MYO3B: variants seen among roughly 807,000 people sequenced by gnomAD.
The protein encoded by MYO3B is myosin IIIB.
Under a neutral mutation model 174.6 loss-of-function variants are expected in MYO3B, and 156 were observed. The observed-to-expected ratio is 0.89, with a 90% CI of 0.78 to 1.02. MYO3B has a LOEUF of 1.02. Among genes scored for constraint, MYO3B ranks in the 50% least tolerant of loss-of-function variants. MYO3B has a pLI of 0.00. For missense variants in MYO3B, 1,632 were observed against 1,639.4 expected, an observed-to-expected ratio of 1.00 and a Z score of 0.08; for synonymous variants, 563 against 569.1, an observed-to-expected ratio of 0.99 and a Z score of 0.15.
At chr2:170,586,513 T>A (rs1206018788) in intron 32 of MYO3B, among the ~76,000 whole-genome samples, 1 of 152,266 alleles carries the variant, frequency 6.6e-6, no homozygotes, top group African/African-American at 2.4e-5. Flanking sequence ...CATGTGGAGT[T>A]GATACTTTAC....
chr2:170,390,149 A>G (rs531891310), intron 14 of MYO3B, among the ~76,000 whole-genome samples: 37 of 152,336 alleles, frequency 2.4e-4, no homozygotes, highest in African/African-American at 6.7e-4. Context: ...TTAAAAAATA[A>G]AAATAAGGGC....
intron 7 of MYO3B, among the ~76,000 whole-genome samples, chr2:170,254,138 G>A (rs2093282095): frequency 6.6e-6 from 1 of 152,024 alleles, no homozygotes; most frequent in South Asian, 2.1e-4. Flanking sequence ...TCAGGAAGGG[G>A]TGAATGAAGG....
intron 6 of MYO3B, among the ~76,000 whole-genome samples, chr2:170,228,253 C>T (rs981293098): frequency 6.6e-6 from 1 of 152,148 alleles, no homozygotes; most frequent in Admixed American, 6.5e-5. Context: ...GGAGTTTGCT[C>T]CTGCTTTGGT....
intron 23 of MYO3B, among the ~76,000 whole-genome samples, chr2:170,452,769 T>C (rs1005575205): frequency 6.6e-6 from 1 of 152,048 alleles, no homozygotes; most frequent in East Asian, 1.9e-4. Flanking sequence ...CCAAAGATAA[T>C]TGAGAGAAAT....
chr2:170,443,625 G>T (rs2094818718), intron 22 of MYO3B, among the ~76,000 whole-genome samples: 1 of 151,942 alleles, frequency 6.6e-6, no homozygotes, highest in Admixed American at 6.6e-5. Context: ...ATGGTTATAG[G>T]TCTAACATTT....
At chr2:170,580,718 A>ATATATATGTGTGTGTG (rs768974458) in intron 32 of MYO3B, among the ~76,000 whole-genome samples, 5,936 of 142,670 alleles carry the variant, frequency 0.042, 172 homozygotes, top group Non-Finnish European at 0.063. Context: ...AACCTTATAT[A>ATATATATGTGTGTGTG]TGTGTGTGTG....
chr2:170,366,477 A>G (rs1426581116), intron 8 of MYO3B, among the ~76,000 whole-genome samples: 2 of 151,684 alleles, frequency 1.3e-5, no homozygotes, highest in African/African-American at 4.8e-5. Flanking sequence ...TATTTTTAGT[A>G]GAGATGAGGT....
chr2:170,420,479 T>C (rs2105853587), intron 22 of MYO3B, among the ~76,000 whole-genome samples: 1 of 152,264 alleles, frequency 6.6e-6, no homozygotes, highest in East Asian at 1.9e-4. Flanking sequence ...CTGATCCTGG[T>C]AGGCTGGCAG....
chr2:170,427,402 T>A (rs970965401), intron 22 of MYO3B, among the ~76,000 whole-genome samples: 1 of 152,226 alleles, frequency 6.6e-6, no homozygotes, highest in Non-Finnish European at 1.5e-5. Flanking sequence ...CAAAAATCAA[T>A]GCCTGTGCTT....
At chr2:170,540,230 G>C (rs533832940) in intron 30 of MYO3B, among the ~76,000 whole-genome samples, 14 of 151,876 alleles carry the variant, frequency 9.2e-5, no homozygotes, top group African/African-American at 3.1e-4. Context: ...AGTCTGCAGC[G>C]GGAGGATCAC....
chr2:170,617,002 C>T (rs1021863131), intron 32 of MYO3B, among the ~76,000 whole-genome samples: 1 of 152,180 alleles, frequency 6.6e-6, no homozygotes, highest in Non-Finnish European at 1.5e-5. Context: ...ATAATTCTAC[C>T]TCCCATCCAT....
intron 7 of MYO3B, among the ~76,000 whole-genome samples, chr2:170,260,424 G>A (rs1170363608): frequency 1.3e-5 from 2 of 152,204 alleles, no homozygotes; most frequent in Admixed American, 6.5e-5. Context: ...GCAGCTGGAT[G>A]CTATTATCCT....
intron 32 of MYO3B, among the ~76,000 whole-genome samples, chr2:170,576,006 A>T (rs4667646): frequency 0.039 from 5,898 of 152,268 alleles, 250 homozygotes; most frequent in East Asian, 0.2. Flanking sequence ...CTTACCCAAG[A>T]TCATGAGGCA....
chr2:170,494,727 C>CAAAAAAAAAAAAA (rs3066990), intron 25 of MYO3B, among the ~76,000 whole-genome samples: 3 of 92,038 alleles, frequency 3.3e-5, no homozygotes, highest in Non-Finnish European at 4.1e-5. Flanking sequence ...AACTGCGTCT[C>CAAAAAAAAAAAAA]AAAAAAAAAA....
At chr2:170,181,766 A>C (rs1305006665) in intron 1 of MYO3B, among the ~76,000 whole-genome samples, 1 of 152,152 alleles carries the variant, frequency 6.6e-6, no homozygotes, top group East Asian at 1.9e-4. Context: ...ATGTAAAGTA[A>C]ATGCCTACCA....
At chr2:170,245,316 C>A (rs1188541714) in intron 7 of MYO3B, among the ~76,000 whole-genome samples, 1 of 152,206 alleles carries the variant, frequency 6.6e-6, no homozygotes, top group South Asian at 2.1e-4. Context: ...AGTTTAATAG[C>A]CCACGGTGAA....
At chr2:170,287,409 T>C (rs78273771) in intron 7 of MYO3B, among the ~76,000 whole-genome samples, 1 of 146,144 alleles carries the variant, frequency 6.8e-6, no homozygotes, top group Non-Finnish European at 1.5e-5. Context: ...TTTTTTTTTT[T>C]CCATGTAAGC....
At chr2:170,194,806 C>T (rs1485270345) in intron 1 of MYO3B, among the ~76,000 whole-genome samples, 1 of 152,224 alleles carries the variant, frequency 6.6e-6, no homozygotes, top group African/African-American at 2.4e-5. Context: ...GTCCCAAAAC[C>T]TCAAAAGTAG....
chr2:170,303,141 A>T (rs1297141917), intron 7 of MYO3B, among the ~76,000 whole-genome samples: 3 of 152,168 alleles, frequency 2.0e-5, no homozygotes, highest in Non-Finnish European at 2.9e-5. Context: ...ACTGTTGTAA[A>T]TGTTCCAACT....
Sources: allele counts gnomAD v4.1 joint callset (sites outside exome capture counted in the v4.1 genomes callset), GRCh38; gene constraint gnomAD v4.1.1; transcripts MANE v1.5; gene names NCBI Gene and HGNC (gene_info 2026-07-23, HGNC 2026-07-21).